CCDC85A: variants seen among roughly 807,000 people sequenced by gnomAD.
CCDC85A encodes coiled-coil domain containing 85A.
A neutral mutation model predicts 50.2 loss-of-function variants in CCDC85A; 38 were observed. The observed-to-expected ratio is 0.76, with a 90% CI of 0.58 to 0.99. CCDC85A has a LOEUF of 0.99. CCDC85A is among the 50% of genes least tolerant of loss of function. The pLI, the probability that CCDC85A is intolerant of heterozygous loss-of-function variation, is 0.00. For synonymous variants in CCDC85A, 366 were observed against 301.4 expected, an observed-to-expected ratio of 1.21 and a Z score of -2.22; for missense variants, 820 against 742.0, an observed-to-expected ratio of 1.11 and a Z score of -1.22.
intron 2 of CCDC85A, among the ~76,000 whole-genome samples, chr2:56,326,418 T>C (rs1673474811): frequency 6.6e-6 from 1 of 152,144 alleles, no homozygotes; most frequent in Non-Finnish European, 1.5e-5. Flanking sequence ...AATTGACTAG[T>C]CTGTTGTTGC....
At chr2:56,264,752 G>A (rs796498618) in intron 2 of CCDC85A, among the ~76,000 whole-genome samples, 1 of 152,126 alleles carries the variant, frequency 6.6e-6, no homozygotes, top group Admixed American at 6.6e-5. Flanking sequence ...TTAAAAGACA[G>A]GCCCTCTGTG....
intron 2 of CCDC85A, among the ~76,000 whole-genome samples, chr2:56,239,717 A>G (rs1164913363): frequency 6.6e-6 from 1 of 152,122 alleles, no homozygotes; most frequent in African/African-American, 2.4e-5. Context: ...TGGGAATTAG[A>G]GTTTGAAAAA....
At chr2:56,243,075 T>G (rs1322563738) in intron 2 of CCDC85A, among the ~76,000 whole-genome samples, 1 of 152,076 alleles carries the variant, frequency 6.6e-6, no homozygotes. Flanking sequence ...TCATATGTGA[T>G]CTTTGGGTAT....
intron 3 of CCDC85A, among the ~76,000 whole-genome samples, chr2:56,355,611 G>A (rs374449747): frequency 5.9e-5 from 9 of 152,052 alleles, no homozygotes; most frequent in South Asian, 2.1e-4. Flanking sequence ...ATTATTGTTC[G>A]TAAAAAAGAG....
intron 2 of CCDC85A, among the ~76,000 whole-genome samples, chr2:56,195,063 C>T (rs1218583531): frequency 1.3e-5 from 2 of 152,118 alleles, no homozygotes; most frequent in African/African-American, 2.4e-5. Context: ...TTTTAATGAG[C>T]TTGAGAAGTA....
chr2:56,249,239 A>C (rs1415018852), intron 2 of CCDC85A, among the ~76,000 whole-genome samples: 1 of 152,258 alleles, frequency 6.6e-6, no homozygotes, highest in Non-Finnish European at 1.5e-5. Flanking sequence ...GCCGCCAGAC[A>C]TGAGCTCTGC....
At chr2:56,378,100 A>C (rs900526772) in intron 5 of CCDC85A, among the ~76,000 whole-genome samples, 2 of 152,162 alleles carry the variant, frequency 1.3e-5, no homozygotes, top group South Asian at 4.1e-4. Context: ...AGTTTTGGGA[A>C]ATACATCTTA....
At chr2:56,289,363 G>A (rs1037106169) in intron 2 of CCDC85A, among the ~76,000 whole-genome samples, 5 of 152,158 alleles carry the variant, frequency 3.3e-5, no homozygotes, top group Admixed American at 1.3e-4. Context: ...TATTCTGATA[G>A]GACTGTATGA....
chr2:56,367,947 C>G (rs1294043393), intron 3 of CCDC85A, among the ~76,000 whole-genome samples: 1 of 78,504 alleles, frequency 1.3e-5, no homozygotes, highest in Non-Finnish European at 3.3e-5. Flanking sequence ...AACTAAGGCA[C>G]AGAAAGGCCA....
intron 5 of CCDC85A, among the ~76,000 whole-genome samples, chr2:56,378,276 C>G (rs757005093): frequency 2.0e-5 from 3 of 150,176 alleles, no homozygotes; most frequent in Non-Finnish European, 4.4e-5. Context: ...ATAGAAAACG[C>G]TAGGCTTTAT....
intron 2 of CCDC85A, among the ~76,000 whole-genome samples, chr2:56,230,067 G>A (rs1430950406): frequency 6.6e-6 from 1 of 152,114 alleles, no homozygotes; most frequent in Non-Finnish European, 1.5e-5. Flanking sequence ...TTTTGGGCAG[G>A]GGGCAACTCA....
At chr2:56,292,388 T>C (rs963255077) in intron 2 of CCDC85A, among the ~76,000 whole-genome samples, 2 of 152,176 alleles carry the variant, frequency 1.3e-5, no homozygotes, top group Non-Finnish European at 2.9e-5. Context: ...CGGCCTGAGT[T>C]GCAGTATAAT....
At chr2:56,359,391 A>G (rs1469195245) in intron 3 of CCDC85A, among the ~76,000 whole-genome samples, 1 of 152,238 alleles carries the variant, frequency 6.6e-6, no homozygotes, top group Admixed American at 6.5e-5. Context: ...ATCGTCGAAT[A>G]GGAAATTTGT....
intron 2 of CCDC85A, among the ~76,000 whole-genome samples, chr2:56,342,448 T>TGCGTGA (rs1674419711): frequency 1.3e-5 from 2 of 152,152 alleles, no homozygotes; most frequent in African/African-American, 4.8e-5. Flanking sequence ...TGAGTTCTGG[T>TGCGTGA]TTTGCCCTGT....
chr2:56,333,343 T>G, intron 2 of CCDC85A, among the ~76,000 whole-genome samples: 1 of 152,116 alleles, frequency 6.6e-6, no homozygotes. Context: ...AGGAAGAGGG[T>G]ACAACTAAGG....
chr2:56,384,182 C>A (rs1372968070), intron 5 of CCDC85A, 84 bp from the exon 6 acceptor site: 4 of 1,188,994 alleles, frequency 3.4e-6, no homozygotes, highest in Non-Finnish European at 4.9e-6. Flanking sequence ...ATCTTCGCTC[C>A]TCTCTTAATT....
At chr2:56,286,988 G>A (rs1671474805) in intron 2 of CCDC85A, among the ~76,000 whole-genome samples, 1 of 152,158 alleles carries the variant, frequency 6.6e-6, no homozygotes, top group Non-Finnish European at 1.5e-5. Flanking sequence ...TTAGGGAGTG[G>A]TGTTTTCTCC....
At chr2:56,328,752 A>G (rs1296274782) in intron 2 of CCDC85A, among the ~76,000 whole-genome samples, 5 of 152,102 alleles carry the variant, frequency 3.3e-5, no homozygotes, top group Middle Eastern at 3.4e-3. Context: ...CACTATATGT[A>G]TGTTTTGTTG....
intron 2 of CCDC85A, among the ~76,000 whole-genome samples, chr2:56,250,655 A>G (rs1368065556): frequency 2.0e-5 from 3 of 152,170 alleles, no homozygotes; most frequent in South Asian, 2.1e-4. Context: ...ATGACATATT[A>G]TAGGAAGGGT....
Sources: allele counts gnomAD v4.1 joint callset (sites outside exome capture counted in the v4.1 genomes callset), GRCh38; gene constraint gnomAD v4.1.1; transcripts MANE v1.5; gene names NCBI Gene and HGNC (gene_info 2026-07-23, HGNC 2026-07-21).